The following LINGO2 variants were observed in gnomAD, a reference collection of about 807,000 sequenced individuals.
LINGO2 encodes leucine rich repeat and Ig domain containing 2.
A neutral mutation model predicts 30.6 loss-of-function variants in LINGO2; 14 were observed. The observed-to-expected ratio is 0.46, with a 90% confidence interval of 0.30 to 0.72. The LOEUF is 0.72. Among genes scored for constraint, LINGO2 ranks in the 30% least tolerant of loss-of-function variants. LINGO2 has a pLI of 0.07. For missense variants in LINGO2, 729 were observed against 751.7 expected (o/e 0.97, Z 0.35); for synonymous variants, 317 against 288.5 (o/e 1.10, Z -1.00).
intron 4 of LINGO2, among the ~76,000 whole-genome samples, chr9:28,198,942 AG>A (rs1820115355): frequency 6.6e-6 from 1 of 152,184 alleles, no homozygotes; most frequent in Admixed American, 6.5e-5. Context: ...AAGATGTGAA[AG>A]TCTGGCAATT....
intron 2 of LINGO2, among the ~76,000 whole-genome samples, chr9:28,403,883 T>A (rs1464681440): frequency 6.6e-6 from 1 of 152,150 alleles, no homozygotes; most frequent in Non-Finnish European, 1.5e-5. Flanking sequence ...TAAGATTTTT[T>A]AAATGGAATT....
At chr9:28,512,494 C>T (rs991325236) in intron 1 of LINGO2, among the ~76,000 whole-genome samples, 3 of 150,252 alleles carry the variant, frequency 2.0e-5, no homozygotes, top group Admixed American at 6.7e-5. Context: ...AGAGCCTGAA[C>T]CTGTTGCAGA....
At position 28,363,380 on chromosome 9, in the gene LINGO2, T is replaced by C. The variant is rs79733786; in HGVS notation, c.-246+9456A>G. Among the ~76,000 whole-genome samples the C allele has an allele frequency of 5.6e-3, 849 of 152,282 alleles. 27 individuals carry two copies. In the East Asian group the frequency reaches 0.098, roughly 18 times the overall value. The stretch of plus-strand genomic sequence containing the variant: ...AACCAGACCTGAGGCTAAGCAATCG[T>C]TTATCAGGAAGGGGCAGTGGGCAAC... On this transcript the variant is annotated intron_variant, in intron 3 of 5. Transcript: ENST00000379992.
intron 1 of LINGO2, among the ~76,000 whole-genome samples, chr9:28,668,606 A>T (rs1828894427): frequency 6.6e-6 from 1 of 152,196 alleles, no homozygotes; most frequent in South Asian, 2.1e-4. Flanking sequence ...ACTAGTGTCC[A>T]TTGGGTTCAC....
chr9:28,461,408 T>A (rs1825076320), intron 2 of LINGO2, among the ~76,000 whole-genome samples: 1 of 152,156 alleles, frequency 6.6e-6, no homozygotes, highest in Non-Finnish European at 1.5e-5. Context: ...ATCTTAAATT[T>A]GTGTTTACTC....
intron 2 of LINGO2, among the ~76,000 whole-genome samples, chr9:28,458,979 T>C (rs1446129952): frequency 2.5e-3 from 2 of 788 alleles, no homozygotes; most frequent in East Asian, 0.17. Context: ...AAATGTGAAT[T>C]ATGATTTTGC....
chr9:28,261,674 G>GA (rs996371490), intron 4 of LINGO2, among the ~76,000 whole-genome samples: 3 of 151,324 alleles, frequency 2.0e-5, no homozygotes, highest in Admixed American at 6.6e-5. Flanking sequence ...AATTCTTTGA[G>GA]AAAAAAAATC....
At chr9:28,366,730 T>TTAGAG (rs10646515) in intron 3 of LINGO2, among the ~76,000 whole-genome samples, 49,430 of 151,514 alleles carry the variant, frequency 0.33, 8,268 homozygotes, top group South Asian at 0.47. Context: ...GTATGTAAAG[T>TTAGAG]TAAATTATAA....
chr9:29,071,185 T>TATTGTATTGC, the LINGO2 span, among the ~76,000 whole-genome samples: 1 of 148,768 alleles, frequency 6.7e-6, no homozygotes, highest in East Asian at 2.0e-4. Context: ...TATTGTATTG[T>TATTGTATTGC]ATTGTATTGT....
rs1175420215 is a variant in LINGO2, at chr9:28,149,232, TG to T, written c.-86-136828del. ...TAGGGCAGGCGTGGTGGCCCACGCCTGTAATCAAGCACTTTGGGAGGCCCAG... is the reference window on the plus strand; with the variant it reads ...TAGGGCAGGCGTGGTGGCCCACGCCTTAATCAAGCACTTTGGGAGGCCCAG... On this transcript the variant is annotated intron_variant, in intron 4 of 5. Coordinates refer to ENST00000379992, the Ensembl canonical transcript of LINGO2. The T allele has an allele frequency of 7.5e-5, 69 of 917,312 alleles. 1 individual carries two copies. 56.8% of individuals were successfully genotyped at this position (917,312 alleles called of 1,614,324 possible). A position where few individuals can be genotyped will look rare whatever the true frequency, so the allele number is the denominator to read the frequency against.
chr9:28,029,447 A>C (rs1055489559), intron 4 of LINGO2, among the ~76,000 whole-genome samples: 5 of 152,202 alleles, frequency 3.3e-5, no homozygotes, highest in African/African-American at 1.2e-4. Context: ...CGAAGATGCA[A>C]GGCTTGTTGA....
At chr9:29,108,208 C>A in the LINGO2 span, among the ~76,000 whole-genome samples, 11 of 152,112 alleles carry the variant, frequency 7.2e-5, no homozygotes, top group African/African-American at 2.7e-4. Flanking sequence ...AGAAAACACA[C>A]CTGCCAACAT....
chr9:28,033,768 C>T (rs1823798147), intron 4 of LINGO2, among the ~76,000 whole-genome samples: 1 of 152,146 alleles, frequency 6.6e-6, no homozygotes, highest in African/African-American at 2.4e-5. Context: ...GGATAATCTG[C>T]TAAATTCGTT....
chr9:28,813,007 T>G, the LINGO2 span, among the ~76,000 whole-genome samples: 1 of 151,228 alleles, frequency 6.6e-6, no homozygotes, highest in Admixed American at 6.6e-5. Flanking sequence ...TATAAAGTAG[T>G]ATAAACAGAG....
intron 1 of LINGO2, among the ~76,000 whole-genome samples, chr9:28,498,599 G>A (rs190022668): frequency 8.6e-4 from 131 of 152,180 alleles, no homozygotes; most frequent in East Asian, 2.7e-3. Context: ...GACCACTTGC[G>A]CTTCCCGGGT....
intron 4 of LINGO2, among the ~76,000 whole-genome samples, chr9:28,117,036 G>T (rs1445503180): frequency 3.2e-5 from 3 of 92,714 alleles, no homozygotes; most frequent in Non-Finnish European, 6.7e-5. Flanking sequence ...CCCCATCTTT[G>T]TGGTTTTATC....
the LINGO2 span, among the ~76,000 whole-genome samples, chr9:29,081,128 G>C: frequency 6.6e-6 from 1 of 152,056 alleles, no homozygotes. Flanking sequence ...ACACAAAAAA[G>C]AGAATTTTTG....
chr9:28,131,319 T>C (rs1156395230), intron 4 of LINGO2, among the ~76,000 whole-genome samples: 4 of 152,146 alleles, frequency 2.6e-5, no homozygotes, highest in Non-Finnish European at 4.4e-5. Context: ...TTGGGGTCTG[T>C]TAATCAAATG....
intron 2 of LINGO2, among the ~76,000 whole-genome samples, chr9:28,441,662 A>G (rs1203537093): frequency 2.0e-5 from 3 of 152,128 alleles, no homozygotes; most frequent in East Asian, 3.9e-4. Flanking sequence ...CTTCTTTTAC[A>G]TCATGCATTT....
Sources: allele counts gnomAD v4.1 joint callset (sites outside exome capture counted in the v4.1 genomes callset), GRCh38; gene constraint gnomAD v4.1.1; transcripts MANE v1.5; gene names NCBI Gene and HGNC (gene_info 2026-07-23, HGNC 2026-07-21).